Variants in AHI1 observed in about 807,000 individuals in gnomAD.
AHI1 encodes the protein Abelson helper integration site 1.
A neutral mutation model predicts 149.3 loss-of-function variants in AHI1; 123 were observed. The ratio of observed to expected loss-of-function variants is 0.82; its 90% CI spans 0.71 to 0.96. The LOEUF is 0.96. Among genes scored for constraint, AHI1 ranks in the 40% least tolerant of loss-of-function variants. The probability of loss-of-function intolerance (pLI) is 0.00; values close to 1 mark genes in which losing one functional copy is unlikely to be tolerated. For missense variants in AHI1, 1,439 were observed against 1,422.7 expected (o/e 1.01, Z -0.18); for synonymous variants, 475 against 459.8 (o/e 1.03, Z -0.42).
chr6:135,328,480 G>C (rs1788048707), intron 24 of AHI1, among the ~76,000 whole-genome samples: 1 of 115,264 alleles, frequency 8.7e-6, no homozygotes, highest in Non-Finnish European at 2.1e-5. Flanking sequence ...TAATTCTTTT[G>C]GGGTGCCATA....
At chr6:135,375,996 G>A (rs1775854869) in intron 23 of AHI1, among the ~76,000 whole-genome samples, 1 of 151,830 alleles carries the variant, frequency 6.6e-6, no homozygotes, top group African/African-American at 2.4e-5. Flanking sequence ...TGCCAAATTG[G>A]GGACAATTTG....
intron 27 of AHI1, among the ~76,000 whole-genome samples, chr6:135,294,343 A>G (rs1782786869): frequency 6.6e-6 from 1 of 151,530 alleles, no homozygotes; most frequent in Non-Finnish European, 1.5e-5. Flanking sequence ...AACAAAACAA[A>G]ACAAAACAAA....
At chr6:135,345,711 G>A (rs772782343) in intron 24 of AHI1, among the ~76,000 whole-genome samples, 4 of 152,188 alleles carry the variant, frequency 2.6e-5, no homozygotes, top group Non-Finnish European at 5.9e-5. Context: ...GGGGGGCAAC[G>A]AATGTTTTAA....
At chr6:135,395,643 A>G (rs949163576) in intron 22 of AHI1, among the ~76,000 whole-genome samples, 2 of 151,770 alleles carry the variant, frequency 1.3e-5, no homozygotes, top group African/African-American at 4.8e-5. Flanking sequence ...CTTGTAAATC[A>G]GAATTCGTTT....
chr6:135,438,623 T>G lies in AHI1; in HGVS notation c.1913-125A>C, dbSNP rs565020769. The G allele has an allele frequency of 1.5e-4, 109 of 731,518 alleles. 1 individual carries two copies. In the East Asian group the frequency reaches 4.0e-3, roughly 27 times the overall value. The allele number at this position is 731,518 out of a possible 1,614,324, so 45.3% of individuals were successfully genotyped here. ...TAACAAAATTATAACCAAAGACATT[T>G]GCAGCACAGAGAAAATTTCAAAATT... On this transcript the variant is annotated intron_variant, in intron 14 of 28. Transcript: ENST00000265602.
Position 135,435,449 on chromosome 6 carries a change from G to T in AHI1, c.2037-2193C>A, listed in dbSNP as rs1785254802. 9.2e-5 allele frequency among the ~76,000 whole-genome samples: 14 copies of T among 152,254 alleles called. No homozygotes were observed. The South Asian group carries it at 2.9e-3, about 32-fold the overall frequency. On this transcript the variant is annotated intron_variant, in intron 15 of 28. Transcript: ENST00000265602. ...TTTTGTTGAATGAATAAGTTATTCA[G>T]GAAGGGTAGGAGAAGGTCATTTAAG...
At chr6:135,419,038 G>A (rs1367359837) in intron 20 of AHI1, among the ~76,000 whole-genome samples, 1 of 150,650 alleles carries the variant, frequency 6.6e-6, no homozygotes, top group Non-Finnish European at 1.5e-5. Flanking sequence ...AAGTTCTATA[G>A]ACTTAACACT....
intron 24 of AHI1, among the ~76,000 whole-genome samples, chr6:135,336,210 G>A (rs1316038003): frequency 6.6e-6 from 1 of 151,866 alleles, no homozygotes; most frequent in East Asian, 1.9e-4. Context: ...ATATGACAGT[G>A]GTCCCATATG....
At chr6:135,319,337 C>T (rs1480530884) in intron 25 of AHI1, among the ~76,000 whole-genome samples, 2 of 152,114 alleles carry the variant, frequency 1.3e-5, no homozygotes, top group Non-Finnish European at 2.9e-5. Flanking sequence ...ATTAGCTGGG[C>T]ATGGTGGCGT....
At chr6:135,339,175 C>T (rs1789901780) in intron 24 of AHI1, among the ~76,000 whole-genome samples, 1 of 152,166 alleles carries the variant, frequency 6.6e-6, no homozygotes, top group Non-Finnish European at 1.5e-5. Context: ...TTAATGGTAA[C>T]TGTTTAACAC....
At chr6:135,435,288 G>C (rs1785233216) in intron 15 of AHI1, 1 of 152,042 alleles carries the variant, frequency 6.6e-6, no homozygotes, top group Non-Finnish European at 1.5e-5. Flanking sequence ...GATAAATAAG[G>C]AAAAAATGTG....
At chr6:135,305,265 A>G (rs1562467638) in intron 26 of AHI1, 1 of 152,186 alleles carries the variant, frequency 6.6e-6, no homozygotes, top group East Asian at 1.9e-4. Context: ...ATTCCCGTGG[A>G]TTCAGATATC....
At position 135,323,293 on chromosome 6, in the gene AHI1, C is replaced by G. The variant is rs544992761; in HGVS notation, c.3197G>C (p.Arg1066Pro). 13 of 1,613,428 alleles carry G rather than the reference C, an allele frequency of 8.1e-6. No homozygotes were observed. In the South Asian group the frequency reaches 9.9e-5, roughly 12 times the overall value. ...VVALYDYTAN[R>P]SDELTIHRGD... ...GCGATGGATGGTTAGTTCATCTGAT[C>G]GATTCGCTGTGTAGTCATAAAGAGC... is the stretch of plus-strand genomic sequence containing the variant. The change falls in exon 25 of 29, where the codon CGA (arginine) becomes CCA (proline). Residue 1066 changes from arginine to proline, a missense_variant. Transcript: ENST00000265602.
At chr6:135,421,752 A>C (rs949438471) in intron 20 of AHI1, among the ~76,000 whole-genome samples, 2 of 152,186 alleles carry the variant, frequency 1.3e-5, no homozygotes, top group Admixed American at 6.5e-5. Context: ...TGAGTTCTTG[A>C]ATGATATAAA....
At chr6:135,358,581 C>G (rs1220375032) in intron 23 of AHI1, among the ~76,000 whole-genome samples, 1 of 152,220 alleles carries the variant, frequency 6.6e-6, no homozygotes, top group East Asian at 1.9e-4. Flanking sequence ...TGAATCACTA[C>G]TGTCTTATTT....
chr6:135,390,021 TTTTATTTTTTTTA>T (rs1562647362), intron 23 of AHI1, among the ~76,000 whole-genome samples: 3 of 149,426 alleles, frequency 2.0e-5, no homozygotes, highest in Admixed American at 6.7e-5. Flanking sequence ...GTTTTTTTTA[TTTTATTTTTTTTA>T]AACTCATGAG....
At chr6:135,362,444 A>C (rs1431919657) in intron 23 of AHI1, among the ~76,000 whole-genome samples, 3 of 152,152 alleles carry the variant, frequency 2.0e-5, no homozygotes, top group Non-Finnish European at 4.4e-5. Flanking sequence ...AGGAATCTCC[A>C]CACTGTTTTC....
Position 135,415,114 on chromosome 6 carries a change from T to C in AHI1, c.2765-3570A>G, listed in dbSNP as rs1782176483. On this transcript the variant is annotated intron_variant, in intron 20 of 28. Transcript: ENST00000265602. ...TTGCTGAGAATAATGATTTCCAATC[T>C]CATCCATGTCCCTACAAAGAACATG... is the stretch of plus-strand genomic sequence containing the variant. Among the ~76,000 whole-genome samples the C allele has an allele frequency of 2.6e-5, 4 of 152,180 alleles. No individual in the cohort carries two copies. The South Asian group carries it at 6.2e-4, about 24-fold the overall frequency.
intron 24 of AHI1, among the ~76,000 whole-genome samples, chr6:135,328,084 G>C (rs1463654056): frequency 3.9e-5 from 6 of 152,146 alleles, no homozygotes; most frequent in Non-Finnish European, 8.8e-5. Flanking sequence ...ACTTGTGAAT[G>C]GTGCCTGGGG....
Sources: gnomAD v4.1 joint callset for allele counts (sites outside exome capture counted in the v4.1 genomes callset) on GRCh38, gnomAD v4.1.1 for gene constraint, MANE v1.5 for transcripts, NCBI Gene and HGNC (gene_info 2026-07-23, HGNC 2026-07-21) for gene names.